BANP: variants seen among roughly 807,000 people sequenced by gnomAD.
BANP encodes the protein protein BANP.
BANP carries 11 observed loss-of-function variants against 68.1 expected under a neutral mutation model. That is an observed-to-expected ratio of 0.16 (90% confidence interval 0.10 to 0.27). The LOEUF (loss-of-function observed/expected upper bound fraction) is 0.27, where lower values mean the gene tolerates loss of function less well. BANP is among the 10% of genes least tolerant of loss of function. BANP has a pLI of 1.00. For missense variants in BANP, 504 were observed against 722.7 expected, an observed-to-expected ratio of 0.70 and a Z score of 3.47; for synonymous variants, 329 against 303.2, an observed-to-expected ratio of 1.09 and a Z score of -0.88.
At chr16:88,068,480 T>C (rs2089404065) in intron 12 of BANP, among the ~76,000 whole-genome samples, 1 of 152,194 alleles carries the variant, frequency 6.6e-6, no homozygotes, top group South Asian at 2.1e-4. Flanking sequence ...TTCACAGCCC[T>C]GAGACACCTC....
intron 11 of BANP, among the ~76,000 whole-genome samples, chr16:88,044,260 A>T (rs1466838868): frequency 1.3e-5 from 2 of 152,212 alleles, no homozygotes; most frequent in Admixed American, 6.5e-5. Flanking sequence ...GCAGCTTTCC[A>T]TCGTGGTTCT....
At chr16:88,008,487 C>G (rs764785727) in intron 6 of BANP, among the ~76,000 whole-genome samples, 8 of 152,062 alleles carry the variant, frequency 5.3e-5, no homozygotes, top group South Asian at 2.1e-4. Context: ...CTGGCCACCC[C>G]CTTCAGGCCT....
chr16:87,973,803 A>G (rs1485796869), intron 1 of BANP, among the ~76,000 whole-genome samples: 3 of 152,054 alleles, frequency 2.0e-5, no homozygotes, highest in African/African-American at 7.2e-5. Context: ...TAGAGTTGCC[A>G]TTTAAGCTGT....
intron 4 of BANP, among the ~76,000 whole-genome samples, chr16:87,989,152 A>G (rs1429574603): frequency 1.3e-5 from 2 of 152,224 alleles, no homozygotes; most frequent in Admixed American, 6.5e-5. Flanking sequence ...AAGTTGAATC[A>G]TTGTAATAAA....
intron 6 of BANP, among the ~76,000 whole-genome samples, chr16:88,014,273 G>A (rs2073964238): frequency 6.6e-6 from 1 of 152,168 alleles, no homozygotes; most frequent in Non-Finnish European, 1.5e-5. Context: ...GGGTGCACTG[G>A]GTCTGGACAT....
intron 7 of BANP, among the ~76,000 whole-genome samples, chr16:88,022,080 A>G (rs901025178): frequency 2.6e-5 from 4 of 152,192 alleles, no homozygotes; most frequent in Non-Finnish European, 4.4e-5. Context: ...TTGGGCAGCT[A>G]ACCAAATTTG....
chr16:87,993,123 G>A (rs2066310991), intron 4 of BANP, among the ~76,000 whole-genome samples: 1 of 152,256 alleles, frequency 6.6e-6, no homozygotes, highest in South Asian at 2.1e-4. Context: ...GGACACGTAG[G>A]TGAAGTCCTT....
At position 88,018,760 on chromosome 16, in the gene BANP, C is replaced by T. The variant is rs780323702; in HGVS notation, c.895+93C>T. 8.4e-6 allele frequency: 12 copies of T among 1,430,360 alleles called. No individual in the cohort carries two copies. The East Asian group carries it at 1.0e-4, about 12-fold the overall frequency. The allele number at this position is 1,430,360 out of a possible 1,614,324, so 88.6% of individuals were successfully genotyped here. A position where few individuals can be genotyped will look rare whatever the true frequency, so the allele number is the denominator to read the frequency against. Reference sequence around the variant, plus strand: ...CTGAGGACGCTGGCATCAGTAGCACCGGCACGGGGCTGCGTTTCTCCAGGC... The same window carrying T: ...CTGAGGACGCTGGCATCAGTAGCACTGGCACGGGGCTGCGTTTCTCCAGGC... On this transcript the variant is annotated intron_variant, in intron 7 of 13. Transcript: ENST00000682872. The surrounding 1 kb of genome is among the most constrained non-coding windows in gnomAD (Gnocchi z 7.7).
chr16:88,033,577 G>A (rs1206748422), intron 9 of BANP, among the ~76,000 whole-genome samples: 1 of 152,188 alleles, frequency 6.6e-6, no homozygotes, highest in African/African-American at 2.4e-5. Context: ...CGTGCTCCTG[G>A]GAAACATCGG....
intron 5 of BANP, among the ~76,000 whole-genome samples, chr16:88,005,415 C>T (rs755347993): frequency 6.6e-6 from 1 of 152,186 alleles, no homozygotes; most frequent in Non-Finnish European, 1.5e-5. Context: ...CCTGCTGGTG[C>T]GTAGCAGTCC....
intron 11 of BANP, among the ~76,000 whole-genome samples, chr16:88,042,791 C>A (rs1415517029): frequency 6.6e-6 from 1 of 152,076 alleles, no homozygotes; most frequent in Non-Finnish European, 1.5e-5. Context: ...TGGTATGTGC[C>A]TGTAGTCCCA....
rs924382447 is a variant in BANP, at chr16:88,057,810, C to G, written c.1312-7457C>G. Among the ~76,000 whole-genome samples the G allele has an allele frequency of 6.6e-6, 1 of 151,962 alleles. No homozygotes were observed. Among genetic ancestry groups the G allele is most frequent in the Non-Finnish European group, 1.5e-5 (1 of 68,016 alleles). ...TGGCCCTGTCCCCGCACCCTGGACTCCAGGGCAAGTGGTGCTGGCCGGATG... is the reference window on the plus strand; with the variant it reads ...TGGCCCTGTCCCCGCACCCTGGACTGCAGGGCAAGTGGTGCTGGCCGGATG... On this transcript the variant is annotated intron_variant, in intron 11 of 13. Coordinates refer to ENST00000682872, the MANE Select transcript of BANP (RefSeq NM_001386991.1). The surrounding 1 kb of genome is among the most constrained non-coding windows in gnomAD (Gnocchi z 4.6).
chr16:88,018,418 T>C lies in BANP; in HGVS notation c.656-10T>C. On this transcript the variant is annotated splice_polypyrimidine_tract_variant and intron_variant, in intron 6 of 13. Transcript: ENST00000682872. This position sits in a 1 kb window ranked among gnomAD's most constrained non-coding sequence, Gnocchi z 7.7. ...CTTGGCCATCTGAGGACCTGTCTTC[T>C]GTTTTTCAGAGGACTACCCCAATGG... 1.9e-6 allele frequency: 3 copies of C among 1,607,270 alleles called. No homozygotes were observed. Among genetic ancestry groups the C allele is most frequent in the Non-Finnish European group, 2.6e-6 (3 of 1,176,078 alleles).
Position 87,975,028 on chromosome 16 carries a change from C to G in BANP, c.-68-20C>G. 8.9e-7 allele frequency: 1 copy of G among 1,127,084 alleles called. No individual in the cohort carries two copies. Among genetic ancestry groups the G allele is most frequent in the Non-Finnish European group, 1.3e-6 (1 of 746,288 alleles). 69.8% of individuals were successfully genotyped at this position (1,127,084 alleles called of 1,614,324 possible). On this transcript the variant is annotated intron_variant, in intron 1 of 13. Transcript: ENST00000682872. The stretch of plus-strand genomic sequence containing the variant: ...GCGATGGTTAATGTCCTCTCCTCCT[C>G]CTTTGCTTCTGTTTGGTAGGTGACC...
chr16:88,045,022 A>C (rs545264835), intron 11 of BANP, among the ~76,000 whole-genome samples: 2 of 152,346 alleles, frequency 1.3e-5, no homozygotes, highest in African/African-American at 4.8e-5. Flanking sequence ...TTACACTGCA[A>C]ATATTAATAT....
At chr16:88,038,117 C>T in intron 11 of BANP, 106 bp downstream of exon 11, 2 of 980,578 alleles carry the variant, frequency 2.0e-6, no homozygotes, top group Non-Finnish European at 3.1e-6. Context: ...TCCCCATGTA[C>T]ATGTGGGCAT....
chr16:88,060,149 C>A (rs180836780), intron 11 of BANP, among the ~76,000 whole-genome samples: 7 of 152,404 alleles, frequency 4.6e-5, no homozygotes, highest in Non-Finnish European at 1.0e-4. Flanking sequence ...GTGCTCTTAG[C>A]CACCAGCACA....
chr16:88,076,540 T>G lies in BANP; in HGVS notation c.1522-50T>G, dbSNP rs780519143. ...GGCTGTTCATGACACCCCCTGGCCA[T>G]GCAGTGCTGGGTATTTTTCTAGAAA... On this transcript the variant is annotated intron_variant, in intron 13 of 13. Transcript: ENST00000682872. 5.2e-6 allele frequency: 8 copies of G among 1,535,778 alleles called. No individual in the cohort carries two copies. The African/African-American group carries it at 1.1e-4, about 21-fold the overall frequency.
chr16:87,961,154 G>T (rs966933331), intron 1 of BANP, among the ~76,000 whole-genome samples: 1 of 152,202 alleles, frequency 6.6e-6, no homozygotes, highest in Non-Finnish European at 1.5e-5. Context: ...AAGTGCAGAA[G>T]CTCATGGATA....
Sources: allele counts gnomAD v4.1 joint callset (sites outside exome capture counted in the v4.1 genomes callset), GRCh38; gene constraint gnomAD v4.1.1; non-coding constraint Gnocchi (gnomAD v3.1); transcripts MANE v1.5; gene names NCBI Gene and HGNC (gene_info 2026-07-23, HGNC 2026-07-21).